Variants in KIF13B observed in about 807,000 individuals in gnomAD.
KIF13B encodes kinesin-like protein KIF13B.
KIF13B carries 127 observed loss-of-function variants against 222.0 expected under a neutral mutation model. That is an observed-to-expected ratio of 0.57 (90% CI 0.50 to 0.66). KIF13B has a LOEUF of 0.66. Among genes scored for constraint, KIF13B ranks in the 30% least tolerant of loss-of-function variants. The pLI is 0.00. For missense variants in KIF13B, 2,173 were observed against 2,379.0 expected (o/e 0.91, Z 1.80); for synonymous variants, 976 against 919.0 (o/e 1.06, Z -1.12).
Position 29,134,180 on chromosome 8 carries a change from G to A in KIF13B, c.2644C>T (p.Gln882Ter). The change falls in exon 22 of 40, where the codon CAG becomes TAG. Residue 882 changes from glutamine to a stop codon, truncating the protein, a stop_gained. Coordinates refer to ENST00000524189, the MANE Select transcript of KIF13B (RefSeq NM_015254.4). LOFTEE classifies it high-confidence loss of function. ...CAGAACACAAAGTGGGACAGATGCT[G>A]TGGCAACCCAGTAGCTTGCAGGATT... Reference protein sequence around the residue: ...VKILQATGLPQHLSHFVFCKY... With the variant: ...VKILQATGLP 6.2e-7 allele frequency: 1 copy of A among 1,614,018 alleles called. No individual in the cohort carries two copies. Among genetic ancestry groups the A allele is most frequent in the Non-Finnish European group, 8.5e-7 (1 of 1,179,886 alleles).
In KIF13B at chr8:29,182,343, G is replaced by A. The variant is rs115025716; in HGVS notation, c.498-337C>T. On this transcript the variant is annotated intron_variant, in intron 6 of 39. Coordinates refer to ENST00000524189, the MANE Select transcript of KIF13B (RefSeq NM_015254.4). ...GAAACTCAGTAAATGTTAACTGTGCGAGAAAGGAAAACTACAGACCAGTCT... is the reference window on the plus strand; with the variant it reads ...GAAACTCAGTAAATGTTAACTGTGCAAGAAAGGAAAACTACAGACCAGTCT... 6.8e-3 allele frequency among the ~76,000 whole-genome samples: 1,032 copies of A among 152,228 alleles called. 13 individuals carry two copies. The highest frequency in any genetic ancestry group is 0.021 in the African/African-American group (865 of 41,528).
chr8:29,075,011 A>G (rs1807485335), intron 38 of KIF13B, among the ~76,000 whole-genome samples: 1 of 152,238 alleles, frequency 6.6e-6, no homozygotes, highest in African/African-American at 2.4e-5. Flanking sequence ...GTTTATAGAA[A>G]TCTCCTCTGC....
At chr8:29,182,777 TAGG>T (rs928211413) in intron 6 of KIF13B, among the ~76,000 whole-genome samples, 24 of 152,010 alleles carry the variant, frequency 1.6e-4, no homozygotes, top group African/African-American at 4.3e-4. Context: ...AAGTTTCTGT[TAGG>T]AGGAGTAAGT....
chr8:29,151,942 G>A (rs757976397), intron 14 of KIF13B, among the ~76,000 whole-genome samples: 1 of 152,134 alleles, frequency 6.6e-6, no homozygotes, highest in Non-Finnish European at 1.5e-5. Flanking sequence ...AAAACCTTCT[G>A]GAAAGGATTC....
intron 32 of KIF13B, among the ~76,000 whole-genome samples, chr8:29,110,972 C>G (rs928404798): frequency 6.6e-6 from 1 of 152,126 alleles, no homozygotes; most frequent in Non-Finnish European, 1.5e-5. Context: ...GGAAAACAAA[C>G]TCTGTTAATT....
At chr8:29,228,083 C>A (rs1466693491) in intron 2 of KIF13B, among the ~76,000 whole-genome samples, 2 of 150,366 alleles carry the variant, frequency 1.3e-5, no homozygotes, top group African/African-American at 4.9e-5. Context: ...TGGGCATGAA[C>A]TGGAGGGCTT....
At chr8:29,183,969 A>T (rs1812823967) in intron 6 of KIF13B, among the ~76,000 whole-genome samples, 1 of 152,196 alleles carries the variant, frequency 6.6e-6, no homozygotes, top group African/African-American at 2.4e-5. Context: ...AAACAGTAAA[A>T]TCAGGGGATA....
At chr8:29,247,375 T>C (rs1816073242) in intron 1 of KIF13B, among the ~76,000 whole-genome samples, 1 of 151,952 alleles carries the variant, frequency 6.6e-6, no homozygotes, top group Non-Finnish European at 1.5e-5. Context: ...GCAAAAGAGA[T>C]CTGTCTCTAA....
intron 12 of KIF13B, among the ~76,000 whole-genome samples, chr8:29,161,096 T>C (rs562718616): frequency 6.6e-6 from 1 of 152,352 alleles, no homozygotes; most frequent in East Asian, 1.9e-4. Context: ...TAGTAACTAA[T>C]TGTACTAGTG....
intron 32 of KIF13B, 32 bp downstream of exon 32, chr8:29,113,431 T>G (rs1223990540): frequency 1.4e-5 from 19 of 1,364,690 alleles, no homozygotes; most frequent in Non-Finnish European, 1.8e-5. Flanking sequence ...TAAGTGTTTA[T>G]TTTTAGTAAA....
intron 35 of KIF13B, among the ~76,000 whole-genome samples, chr8:29,107,762 G>A (rs571636995): frequency 8.6e-5 from 13 of 151,864 alleles, no homozygotes; most frequent in East Asian, 7.8e-4. Flanking sequence ...GGGTTTCACC[G>A]TGTTAGCCAG....
In KIF13B at chr8:29,155,835, C is replaced by T. The variant is rs866414739; in HGVS notation, c.1426G>A (p.Ala476Thr). 1.9e-6 allele frequency: 3 copies of T among 1,579,718 alleles called. No homozygotes were observed. The highest frequency in any genetic ancestry group is 2.6e-6 in the Non-Finnish European group (3 of 1,160,684). The change falls in exon 14 of 40, where the codon GCA (alanine) becomes ACA (threonine). Residue 476 changes from alanine to threonine, a missense_variant. By Grantham distance (58) the Ala-to-Thr change is moderately conservative. Around this residue, in one of 2 missense-constraint regions of KIF13B, gnomAD observed 1,480 missense variants for 1,722.8 expected, o/e 0.86. Coordinates refer to ENST00000524189, the MANE Select transcript of KIF13B (RefSeq NM_015254.4). ...YLKEHTLIGS[A>T]NSQDIQLCGM... ...CACAGTTGGATATCTTGGGAATTTGCTGACCCTATCAATGTATGTTCCTAA... is the reference window on the plus strand; with the variant it reads ...CACAGTTGGATATCTTGGGAATTTGTTGACCCTATCAATGTATGTTCCTAA...
At position 29,072,085 on chromosome 8, in the gene KIF13B, C is replaced by T. The variant is rs2133467805; in HGVS notation, c.4753G>A (p.Gly1585Ser). Residue 1585 changes from glycine to serine, a missense_variant, in exon 39 of 40, where the codon GGC becomes AGC. By Grantham distance (56) the Gly-to-Ser change is moderately conservative (BLOSUM62 0). Around this residue, in one of 2 missense-constraint regions of KIF13B, gnomAD observed 693 missense variants for 656.2 expected, o/e 1.06. Coordinates refer to ENST00000524189, the MANE Select transcript of KIF13B (RefSeq NM_015254.4). ...CCCGGCGGGGCCGCAGCGTCCAGGC[C>T]GGGGCCCAGGGCGTCCGACAGGGTC... Reference protein sequence around the residue: ...TATLSDALGPGLDAAAPPGSM... With the variant: ...TATLSDALGPSLDAAAPPGSM... 2 of 1,342,040 alleles carry T rather than the reference C, an allele frequency of 1.5e-6. No homozygotes were observed. Among genetic ancestry groups the T allele is most frequent in the South Asian group, 2.0e-5 (1 of 49,594 alleles). 83.1% of individuals were successfully genotyped at this position (1,342,040 alleles called of 1,614,324 possible).
chr8:29,202,370 T>G (rs1489858267), intron 2 of KIF13B, among the ~76,000 whole-genome samples: 2 of 152,166 alleles, frequency 1.3e-5, no homozygotes, highest in African/African-American at 4.8e-5. Context: ...CAGGCTAGAG[T>G]GCAGTGGCAA....
At position 29,092,725 on chromosome 8, in the gene KIF13B, G is replaced by C; in HGVS notation, c.4458+20C>G. 1 of 1,600,568 alleles carries C rather than the reference G, an allele frequency of 6.2e-7. No homozygotes were observed. Reference sequence around the variant, plus strand: ...CTTTATTAGAAAAACGTTCACAGCTGTTTTCTCGGTGCTTTTTACCTGGTG... The same window carrying C: ...CTTTATTAGAAAAACGTTCACAGCTCTTTTCTCGGTGCTTTTTACCTGGTG... On this transcript the variant is annotated intron_variant, in intron 37 of 39. Coordinates refer to ENST00000524189, the MANE Select transcript of KIF13B (RefSeq NM_015254.4).
At chr8:29,232,037 G>A (rs375001988) in intron 2 of KIF13B, among the ~76,000 whole-genome samples, 21 of 152,224 alleles carry the variant, frequency 1.4e-4, no homozygotes, top group African/African-American at 1.2e-4. Flanking sequence ...AGCTAATCAC[G>A]TGAGCCCAGG....
intron 2 of KIF13B, among the ~76,000 whole-genome samples, chr8:29,223,971 G>A (rs1233146414): frequency 6.6e-6 from 1 of 151,746 alleles, no homozygotes; most frequent in East Asian, 1.9e-4. Context: ...GATTACAGGC[G>A]TGAGCCACGG....
intron 2 of KIF13B, among the ~76,000 whole-genome samples, chr8:29,241,682 A>G (rs1036109674): frequency 7.4e-6 from 1 of 135,714 alleles, no homozygotes; most frequent in Non-Finnish European, 1.5e-5. Flanking sequence ...GCTTTTCATC[A>G]CCACGCACCC....
rs1380005687 is a variant in KIF13B, at chr8:29,160,724, T to C, written c.1404+9A>G. 2 of 1,609,788 alleles carry C rather than the reference T, an allele frequency of 1.2e-6. No homozygotes were observed. The highest frequency in any genetic ancestry group is 1.1e-5 in the South Asian group (1 of 90,254). On this transcript the variant is annotated intron_variant, in intron 13 of 39. Transcript: ENST00000524189. ...AACAAGAATCTAGTAGCAAAGCACA[T>C]TACTTCACCTTTAAATAGTACACCA...
Sources: gnomAD v4.1 joint callset for allele counts (sites outside exome capture counted in the v4.1 genomes callset) on GRCh38, gnomAD v4.1.1 for gene constraint, gnomAD v4.1.1 regional missense constraint, MANE v1.5 for transcripts, NCBI Gene and HGNC (gene_info 2026-07-23, HGNC 2026-07-21) for gene names.